Variants in ZMIZ1 observed in about 807,000 individuals in gnomAD.
ZMIZ1 encodes zinc finger MIZ-type containing 1, also known as zinc finger MIZ domain-containing protein 1.
ZMIZ1 carries 17 observed loss-of-function variants against 113.9 expected under a neutral mutation model. The observed-to-expected ratio is 0.15, with a 90% CI of 0.10 to 0.22. The LOEUF is 0.22. Ranked by LOEUF, ZMIZ1 falls within the 10% of genes least tolerant of loss-of-function variation. ZMIZ1 has a pLI of 1.00. For synonymous variants in ZMIZ1, 607 were observed against 603.1 expected (o/e 1.01, Z -0.09); for missense variants, 1,059 against 1,477.8 (o/e 0.72, Z 4.65).
intron 4 of ZMIZ1, among the ~76,000 whole-genome samples, chr10:79,169,439 A>G (rs1260194209): frequency 1.3e-5 from 2 of 152,218 alleles, no homozygotes; most frequent in African/African-American, 4.8e-5. Flanking sequence ...GAGCATTTTT[A>G]TCTGTGTATG....
At chr10:79,217,974 C>T (rs933763882) in intron 7 of ZMIZ1, among the ~76,000 whole-genome samples, 2 of 152,172 alleles carry the variant, frequency 1.3e-5, no homozygotes, top group African/African-American at 2.4e-5. Flanking sequence ...CTTAAGTGCC[C>T]GTTCTGTGCA....
intron 8 of ZMIZ1, among the ~76,000 whole-genome samples, chr10:79,277,979 T>C (rs1352497961): frequency 1.3e-5 from 2 of 152,230 alleles, no homozygotes; most frequent in African/African-American, 4.8e-5. Context: ...TGCTCTCCCC[T>C]GTGTGTGTCT....
intron 7 of ZMIZ1, among the ~76,000 whole-genome samples, chr10:79,259,226 G>A (rs564232492): frequency 6.5e-4 from 99 of 152,238 alleles, no homozygotes; most frequent in African/African-American, 2.0e-3. Context: ...TTATCTCTGC[G>A]TGGGGCAGGG....
At chr10:79,141,557 A>G (rs1845270985) in intron 3 of ZMIZ1, among the ~76,000 whole-genome samples, 1 of 151,988 alleles carries the variant, frequency 6.6e-6, no homozygotes, top group Non-Finnish European at 1.5e-5. Flanking sequence ...ACAGGCACAC[A>G]CCATCATGCC....
intron 17 of ZMIZ1, among the ~76,000 whole-genome samples, 153 bp downstream of exon 17, chr10:79,301,095 C>T (rs184218950): frequency 9.7e-4 from 148 of 152,260 alleles, no homozygotes; most frequent in Admixed American, 1.8e-3. Context: ...CGTCCCCTTA[C>T]CTGTGCCCAG....
intron 9 of ZMIZ1, 176 bp from the exon 10 acceptor site, chr10:79,290,783 C>G (rs1020547185): frequency 3.3e-5 from 26 of 776,688 alleles, no homozygotes; most frequent in Non-Finnish European, 4.7e-5. Context: ...GCCGCCCAGG[C>G]CCGCTCCTTA....
At chr10:79,138,031 T>TC (rs1845090784) in intron 2 of ZMIZ1, among the ~76,000 whole-genome samples, 1 of 152,108 alleles carries the variant, frequency 6.6e-6, no homozygotes, top group African/African-American at 2.4e-5. Context: ...CTCCTTCACC[T>TC]CCTGACACCC....
intron 1 of ZMIZ1, among the ~76,000 whole-genome samples, chr10:79,096,506 C>T (rs377284687): frequency 2.0e-5 from 3 of 151,630 alleles, no homozygotes; most frequent in South Asian, 2.1e-4. Context: ...AGTGAGACTC[C>T]GTCTCAAAAG....
intron 5 of ZMIZ1, among the ~76,000 whole-genome samples, chr10:79,202,223 GAA>G (rs139781412): frequency 3.7e-4 from 41 of 110,426 alleles, no homozygotes; most frequent in Non-Finnish European, 6.3e-4. Flanking sequence ...AAGAAAGAAA[GAA>G]AGAAGGAAGG....
chr10:79,155,288 G>A (rs1384737822), intron 3 of ZMIZ1, among the ~76,000 whole-genome samples: 1 of 152,224 alleles, frequency 6.6e-6, no homozygotes, highest in African/African-American at 2.4e-5. Context: ...ATTGCTTGGA[G>A]GTGTTGGCTG....
At chr10:79,151,700 C>T (rs1422975789) in intron 3 of ZMIZ1, among the ~76,000 whole-genome samples, 1 of 152,206 alleles carries the variant, frequency 6.6e-6, no homozygotes, top group Non-Finnish European at 1.5e-5. Flanking sequence ...CCCTGAGTCC[C>T]ACCGGCGTGG....
In ZMIZ1 at chr10:79,316,470, ATC is replaced by A. The variant is rs1855541227; in HGVS notation, c.*3724_*3725del. ...CTATACTCTGTTGTAACACTGAGGTATCTCATTTGCCCATGTTAATTTTTTTC... is the reference window on the plus strand; with the variant it reads ...CTATACTCTGTTGTAACACTGAGGTATCATTTGCCCATGTTAATTTTTTTC... On this transcript the variant is annotated 3_prime_UTR_variant, in exon 25 of 25. Coordinates refer to ENST00000334512, the MANE Select transcript of ZMIZ1 (RefSeq NM_020338.4). 6.5e-6 allele frequency: 1 copy of A among 152,818 alleles called. No individual in the cohort carries two copies. The highest frequency in any genetic ancestry group is 1.5e-5 in the Non-Finnish European group (1 of 68,050). 9.5% of individuals were successfully genotyped at this position (152,818 alleles called of 1,614,324 possible).
At chr10:79,297,243 GCCTTT>G (rs200911736) in intron 13 of ZMIZ1, among the ~76,000 whole-genome samples, 1,630 of 152,304 alleles carry the variant, frequency 0.011, 15 homozygotes, top group Non-Finnish European at 0.016. Flanking sequence ...CAGGCATATA[GCCTTT>G]CCTTTCCTTA....
chr10:79,254,128 T>C (rs1850728794), intron 7 of ZMIZ1, among the ~76,000 whole-genome samples: 1 of 151,988 alleles, frequency 6.6e-6, no homozygotes, highest in African/African-American at 2.4e-5. Flanking sequence ...CAATTAGGAG[T>C]GATTGTTCCA....
chr10:79,287,756 AAC>A (rs1453129826), intron 8 of ZMIZ1, among the ~76,000 whole-genome samples: 3 of 152,220 alleles, frequency 2.0e-5, no homozygotes, highest in Non-Finnish European at 4.4e-5. Flanking sequence ...ACAGTTGGAA[AAC>A]ACAGAGTAGA....
At chr10:79,211,256 C>T (rs1307781261) in intron 6 of ZMIZ1, among the ~76,000 whole-genome samples, 2 of 152,196 alleles carry the variant, frequency 1.3e-5, no homozygotes, top group East Asian at 3.9e-4. Flanking sequence ...GGAGCAGGAG[C>T]AGCTTACCCT....
rs1417438283 is a variant in ZMIZ1 at position 79,296,013 on chromosome 10, C to T, written c.1231-458C>T. Reference sequence around the variant, plus strand: ...TTCTGCTCTGAGGGGAGTACGAGGACAATGCCACCCAAGTTCAGCCTTGGA... The same window carrying T: ...TTCTGCTCTGAGGGGAGTACGAGGATAATGCCACCCAAGTTCAGCCTTGGA... On this transcript the variant is annotated intron_variant, in intron 12 of 24. Transcript: ENST00000334512. This position sits in a 1 kb window ranked among gnomAD's most constrained non-coding sequence, Gnocchi z 4.1. The T allele has an allele frequency of 5.1e-6, 1 of 195,952 alleles. No homozygotes were observed. The highest frequency in any genetic ancestry group is 1.1e-5 in the Non-Finnish European group (1 of 93,980). The allele number at this position is 195,952 out of a possible 1,614,324, so 12.1% of individuals were successfully genotyped here.
At chr10:79,223,491 C>G (rs1417247344) in intron 7 of ZMIZ1, among the ~76,000 whole-genome samples, 3 of 152,228 alleles carry the variant, frequency 2.0e-5, no homozygotes, top group Non-Finnish European at 4.4e-5. Context: ...TCCACCGCCC[C>G]GGTCAGGTGC....
intron 7 of ZMIZ1, among the ~76,000 whole-genome samples, chr10:79,238,357 G>T (rs1156926275): frequency 6.6e-6 from 1 of 152,218 alleles, no homozygotes; most frequent in Non-Finnish European, 1.5e-5. Context: ...AGGATGAGTG[G>T]CCCTGCTGGA....
Sources: gnomAD v4.1 joint callset for allele counts (sites outside exome capture counted in the v4.1 genomes callset) on GRCh38, gnomAD v4.1.1 for gene constraint, Gnocchi (gnomAD v3.1) non-coding constraint, MANE v1.5 for transcripts, NCBI Gene and HGNC (gene_info 2026-07-23, HGNC 2026-07-21) for gene names.